Variants in ASIC2 observed in about 807,000 individuals in gnomAD.
The protein encoded by ASIC2 is acid-sensing ion channel 2.
ASIC2 carries 25 observed loss-of-function variants against 57.3 expected under a neutral mutation model. That is an observed-to-expected ratio of 0.44 (90% CI 0.32 to 0.61). The LOEUF is 0.61. ASIC2 is among the 20% of genes least tolerant of loss of function. The pLI is 0.06. For missense variants in ASIC2, 641 were observed against 738.1 expected (o/e 0.87, Z 1.52); for synonymous variants, 319 against 307.5 (o/e 1.04, Z -0.39).
At chr17:33,818,021 C>T (rs542812410) in intron 1 of ASIC2, among the ~76,000 whole-genome samples, 1 of 152,308 alleles carries the variant, frequency 6.6e-6, no homozygotes, top group Non-Finnish European at 1.5e-5. Flanking sequence ...AAGACAGAGC[C>T]TGATAGAAGC....
chr17:34,111,212 C>T (rs8082426), intron 1 of ASIC2, among the ~76,000 whole-genome samples: 3,085 of 149,924 alleles, frequency 0.021, 128 homozygotes, highest in African/African-American at 0.072. Flanking sequence ...GGCAACATAG[C>T]GAGACTCCAT....
chr17:33,881,465 T>C (rs867989906), intron 1 of ASIC2, among the ~76,000 whole-genome samples: 56 of 152,134 alleles, frequency 3.7e-4, no homozygotes, highest in African/African-American at 1.2e-3. Flanking sequence ...TATACACCAA[T>C]AACAGACAAA....
chr17:33,947,195 A>C (rs573032163), intron 1 of ASIC2, among the ~76,000 whole-genome samples: 1 of 152,358 alleles, frequency 6.6e-6, no homozygotes, highest in Admixed American at 6.5e-5. Flanking sequence ...GAAAACTATT[A>C]GCACCATCTC....
At chr17:34,143,207 C>G (rs1912320650) in intron 1 of ASIC2, among the ~76,000 whole-genome samples, 1 of 152,342 alleles carries the variant, frequency 6.6e-6, no homozygotes, top group Non-Finnish European at 1.5e-5. Flanking sequence ...AGCATGAACT[C>G]TAATCCCTAA....
chr17:34,000,249 T>C, intron 1 of ASIC2, among the ~76,000 whole-genome samples: 1 of 133,624 alleles, frequency 7.5e-6, no homozygotes, highest in Non-Finnish European at 1.5e-5. Flanking sequence ...AGTGGAGATC[T>C]ATTTTTTTTT....
chr17:34,127,609 C>T (rs1208415055), intron 1 of ASIC2, among the ~76,000 whole-genome samples: 2 of 152,082 alleles, frequency 1.3e-5, no homozygotes, highest in Non-Finnish European at 2.9e-5. Context: ...GTGCAGGGAC[C>T]CCTCTTCTCA....
At chr17:33,103,568 C>T (rs1437510383) in intron 2 of ASIC2, among the ~76,000 whole-genome samples, 1 of 152,106 alleles carries the variant, frequency 6.6e-6, no homozygotes, top group African/African-American at 2.4e-5. Flanking sequence ...TTAAAGGCTT[C>T]CTTGTGTTGA....
intron 1 of ASIC2, among the ~76,000 whole-genome samples, chr17:33,484,731 G>T (rs142451956): frequency 6.6e-6 from 1 of 152,318 alleles, no homozygotes; most frequent in African/African-American, 2.4e-5. Context: ...GGCAGGGACA[G>T]GGTAGAAGCA....
intron 1 of ASIC2, among the ~76,000 whole-genome samples, chr17:33,147,116 T>C (rs1261567925): frequency 6.6e-6 from 1 of 152,224 alleles, no homozygotes; most frequent in Non-Finnish European, 1.5e-5. Context: ...CTAGGTAAAC[T>C]GGACAATATG....
intron 1 of ASIC2, among the ~76,000 whole-genome samples, chr17:33,929,468 G>C (rs1915887127): frequency 6.6e-6 from 1 of 152,202 alleles, no homozygotes; most frequent in Non-Finnish European, 1.5e-5. Context: ...GCCCTGGATT[G>C]CATTTGCATT....
chr17:33,281,696 A>T (rs879465321), intron 1 of ASIC2, among the ~76,000 whole-genome samples: 13 of 152,220 alleles, frequency 8.5e-5, no homozygotes, highest in Non-Finnish European at 1.8e-4. Flanking sequence ...GAAGGAATGC[A>T]TTGGTGCGAG....
At chr17:33,357,502 C>T (rs777007305) in intron 1 of ASIC2, among the ~76,000 whole-genome samples, 14 of 152,174 alleles carry the variant, frequency 9.2e-5, no homozygotes, top group Non-Finnish European at 1.8e-4. Context: ...GCACCCAAAT[C>T]TATATGCTTA....
intron 3 of ASIC2, among the ~76,000 whole-genome samples, chr17:33,032,440 G>GTT (rs60183644): frequency 0.08 from 7,488 of 93,564 alleles, 1,838 homozygotes; most frequent in Non-Finnish European, 0.11. Flanking sequence ...ATAATACACT[G>GTT]TTTTTTTTTT....
intron 1 of ASIC2, among the ~76,000 whole-genome samples, chr17:33,595,091 C>T (rs937016094): frequency 4.6e-5 from 7 of 151,704 alleles, no homozygotes; most frequent in African/African-American, 1.7e-4. Flanking sequence ...CTGGGCTTGG[C>T]GGCAAGTACC....
intron 2 of ASIC2, among the ~76,000 whole-genome samples, chr17:33,094,717 T>A (rs2092171417): frequency 1.3e-5 from 2 of 152,168 alleles, no homozygotes; most frequent in Admixed American, 1.3e-4. Context: ...TTCACCCTTA[T>A]TTTGGTTGAA....
At chr17:33,354,843 C>A (rs1264576650) in intron 1 of ASIC2, among the ~76,000 whole-genome samples, 1 of 152,064 alleles carries the variant, frequency 6.6e-6, no homozygotes, top group African/African-American at 2.4e-5. Flanking sequence ...TTTTATTTAC[C>A]ATTGCCCTCT....
intron 1 of ASIC2, among the ~76,000 whole-genome samples, chr17:33,639,295 CAA>C (rs770676041): frequency 6.6e-6 from 1 of 152,130 alleles, no homozygotes; most frequent in Non-Finnish European, 1.5e-5. Context: ...TGTGACCAGA[CAA>C]AGAGATTTCA....
At chr17:33,235,079 T>A (rs988802647) in intron 1 of ASIC2, among the ~76,000 whole-genome samples, 1 of 152,222 alleles carries the variant, frequency 6.6e-6, no homozygotes, top group Non-Finnish European at 1.5e-5. Context: ...TGCACTTGCC[T>A]ATAGCCCTCT....
At chr17:33,502,584 C>G (rs765839587) in intron 1 of ASIC2, among the ~76,000 whole-genome samples, 66 of 152,184 alleles carry the variant, frequency 4.3e-4, no homozygotes, top group Non-Finnish European at 7.9e-4. Context: ...CTGACAGATT[C>G]CTGAATACTC....
Sources: allele counts gnomAD v4.1 joint callset (sites outside exome capture counted in the v4.1 genomes callset), GRCh38; gene constraint gnomAD v4.1.1; transcripts MANE v1.5; gene names NCBI Gene and HGNC (gene_info 2026-07-23, HGNC 2026-07-21).